PRRG1: variants seen among roughly 807,000 people sequenced by gnomAD.
PRRG1 encodes transmembrane gamma-carboxyglutamic acid protein 1.
A neutral mutation model predicts 11.8 loss-of-function variants in PRRG1; 5 were observed. The observed-to-expected ratio is 0.42, with a 90% CI of 0.22 to 0.89. PRRG1 has a LOEUF of 0.89. PRRG1 is among the 40% of genes least tolerant of loss of function. PRRG1 has a pLI of 0.28. For missense variants in PRRG1, 155 were observed against 166.1 expected, an observed-to-expected ratio of 0.93 and a Z score of 0.37; for synonymous variants, 66 against 60.4, an observed-to-expected ratio of 1.09 and a Z score of -0.43.
At chrX:37,441,927 G>A (rs1932988464) in intron 3 of PRRG1, 2 of 768,994 alleles carry the variant, frequency 2.6e-6, no homozygotes, top group Non-Finnish European at 1.6e-6. Flanking sequence ...ACTTCCTGGA[G>A]AGCCACTTCC....
At chrX:37,430,142 G>A (rs1556389701) in intron 3 of PRRG1, among the ~76,000 whole-genome samples, 1 of 111,629 alleles carries the variant, frequency 9.0e-6, no homozygotes, top group Non-Finnish European at 1.9e-5. Context: ...TCTGTCAGTG[G>A]ACATTTGGTT....
Position 37,456,890 on chromosome X carries a change from T to C in PRRG1, c.*3269T>C, listed in dbSNP as rs1365923075. On this transcript the variant is annotated 3_prime_UTR_variant, in exon 4 of 4. Coordinates refer to ENST00000378628, the MANE Select transcript of PRRG1 (RefSeq NM_001142395.2). ...AATAAAAGAACAGGCTCAGTGGTCT[T>C]CCTGTAGAATGGTTTACATGCCTGC... 1 of 112,433 alleles carries C rather than the reference T, an allele frequency of 8.9e-6. No individual in the cohort carries two copies. The highest frequency in any genetic ancestry group is 1.9e-5 in the Non-Finnish European group (1 of 53,256). 9.3% of individuals were successfully genotyped at this position (112,433 alleles called of 1,213,427 possible).
intron 1 of PRRG1, among the ~76,000 whole-genome samples, chrX:37,398,456 A>G (rs1234008273): frequency 8.9e-6 from 1 of 112,129 alleles, no homozygotes; most frequent in Non-Finnish European, 1.9e-5. Flanking sequence ...AACAGAAAGG[A>G]CATCCACACC....
At chrX:37,362,922 C>G (rs782041245) in intron 1 of PRRG1, among the ~76,000 whole-genome samples, 1 of 111,761 alleles carries the variant, frequency 8.9e-6, no homozygotes, top group Non-Finnish European at 1.9e-5. Flanking sequence ...TGACAGTTCT[C>G]TTCTTCACAT....
In PRRG1 at chrX:37,406,233, A is replaced by G; in HGVS notation, c.-17A>G. ...GGGAATCATCATCCAGGGACGTGCC[A>G]GAAACCACAAGAAAACATGGGGAGG... On this transcript the variant is annotated 5_prime_UTR_variant, in exon 2 of 4. Transcript: ENST00000378628. 8.3e-7 allele frequency: 1 copy of G among 1,209,983 alleles called. No homozygotes were observed. The highest frequency in any genetic ancestry group is 1.1e-6 in the Non-Finnish European group (1 of 894,125).
chrX:37,361,771 T>G (rs1245213197), intron 1 of PRRG1, among the ~76,000 whole-genome samples: 2 of 111,720 alleles, frequency 1.8e-5, no homozygotes, highest in Non-Finnish European at 3.8e-5. Flanking sequence ...CTGTCCCCAG[T>G]GTGCTTGTTC....
In PRRG1 at chrX:37,449,948, A is replaced by G. The variant is rs140300163; in HGVS notation, c.172-3188A>G. Among the ~76,000 whole-genome samples the G allele has an allele frequency of 6.0e-3, 676 of 112,744 alleles. 3 individuals carry two copies. Among genetic ancestry groups the G allele is most frequent in the Non-Finnish European group, 9.2e-3 (491 of 53,349 alleles). On this transcript the variant is annotated intron_variant, in intron 3 of 3. Coordinates refer to ENST00000378628, the MANE Select transcript of PRRG1 (RefSeq NM_001142395.2). ...GAAATTACTTGTTTGAATGATAATT[A>G]TTAGAGCTGATTTCACATGAATTTT...
At chrX:37,382,172 A>C (rs145463057) in intron 1 of PRRG1, among the ~76,000 whole-genome samples, 3 of 111,332 alleles carry the variant, frequency 2.7e-5, no homozygotes, top group African/African-American at 9.8e-5. Context: ...CTGCCATACC[A>C]TCTCCACTTC....
intron 1 of PRRG1, among the ~76,000 whole-genome samples, chrX:37,401,793 G>A (rs1931994139): frequency 9.0e-6 from 1 of 111,170 alleles, no homozygotes; most frequent in Admixed American, 9.5e-5. Context: ...AAAGTCTCAG[G>A]ATAAAAAATC....
At chrX:37,373,768 A>AT (rs782129535) in intron 1 of PRRG1, among the ~76,000 whole-genome samples, 3 of 110,338 alleles carry the variant, frequency 2.7e-5, no homozygotes, top group Non-Finnish European at 3.8e-5. Context: ...CATTCCTTTA[A>AT]TTTTTTTTCT....
intron 1 of PRRG1, among the ~76,000 whole-genome samples, chrX:37,357,685 A>G (rs1282349264): frequency 7.1e-5 from 8 of 112,115 alleles, no homozygotes; most frequent in African/African-American, 2.6e-4. Flanking sequence ...CTTAGTAGCC[A>G]TCTAGGTTGT....
intron 2 of PRRG1, among the ~76,000 whole-genome samples, chrX:37,410,857 T>C (rs1932331194): frequency 8.9e-6 from 1 of 112,429 alleles, no homozygotes; most frequent in African/African-American, 3.2e-5. Flanking sequence ...TTGCTTTTGT[T>C]GACACAAGGA....
Position 37,453,636 on chromosome X carries a change from T to G in PRRG1, c.*15T>G. 1 of 1,145,133 alleles carries G rather than the reference T, an allele frequency of 8.7e-7. No individual in the cohort carries two copies. Among genetic ancestry groups the G allele is most frequent in the South Asian group, 2.2e-5 (1 of 46,076 alleles). 94.4% of individuals were successfully genotyped at this position (1,145,133 alleles called of 1,213,427 possible). On this transcript the variant is annotated 3_prime_UTR_variant, in exon 4 of 4. Coordinates refer to ENST00000378628, the MANE Select transcript of PRRG1 (RefSeq NM_001142395.2). Reference sequence around the variant, plus strand: ...CCATCAAATGAAGCTGCAAACTTCTTTTTACTCTAATCATTTTTAAAATAC... The same window carrying G: ...CCATCAAATGAAGCTGCAAACTTCTGTTTACTCTAATCATTTTTAAAATAC...
intron 1 of PRRG1, among the ~76,000 whole-genome samples, chrX:37,387,628 C>G (rs1556375544): frequency 9.0e-6 from 1 of 111,153 alleles, no homozygotes; most frequent in Non-Finnish European, 1.9e-5. Flanking sequence ...AGGGATGGTG[C>G]TAAACCGTTC....
At chrX:37,415,400 T>C (rs1183050488) in intron 2 of PRRG1, among the ~76,000 whole-genome samples, 2 of 111,145 alleles carry the variant, frequency 1.8e-5, no homozygotes, top group African/African-American at 3.3e-5. Context: ...GGAGTGAGAC[T>C]CTGTCTCAAA....
chrX:37,384,447 CT>C (rs782157059), intron 1 of PRRG1, among the ~76,000 whole-genome samples: 127 of 111,677 alleles, frequency 1.1e-3, no homozygotes, highest in South Asian at 4.9e-3. Context: ...TTAAGGATTC[CT>C]TCTGCCTTAC....
chrX:37,397,217 CCTG>C (rs1931748528), intron 1 of PRRG1, among the ~76,000 whole-genome samples: 1 of 112,044 alleles, frequency 8.9e-6, no homozygotes, highest in African/African-American at 3.2e-5. Flanking sequence ...CATGTTTTTG[CCTG>C]CTATTTTATA....
At chrX:37,401,009 A>G (rs1448157489) in intron 1 of PRRG1, among the ~76,000 whole-genome samples, 1 of 110,796 alleles carries the variant, frequency 9.0e-6, no homozygotes, top group Non-Finnish European at 1.9e-5. Context: ...ACCAACGAAA[A>G]AGAGTCCAGG....
intron 3 of PRRG1, among the ~76,000 whole-genome samples, chrX:37,439,470 C>T (rs1556392929): frequency 8.9e-5 from 10 of 111,790 alleles, no homozygotes; most frequent in Non-Finnish European, 1.9e-4. Flanking sequence ...GTTGATTTGC[C>T]CATGTTCTCA....
Sources: gnomAD v4.1 joint callset for allele counts (sites outside exome capture counted in the v4.1 genomes callset) on GRCh38, gnomAD v4.1.1 for gene constraint, MANE v1.5 for transcripts, NCBI Gene and HGNC (gene_info 2026-07-23, HGNC 2026-07-21) for gene names.